Variants in EPHB1 observed in about 807,000 individuals in gnomAD.
EPHB1 encodes the protein ephrin type-B receptor 1.
EPHB1 carries 30 observed loss-of-function variants against 94.4 expected under a neutral mutation model. The observed-to-expected ratio is 0.32, with a 90% CI of 0.24 to 0.43. The LOEUF (loss-of-function observed/expected upper bound fraction) is 0.43. EPHB1 is among the 20% of genes least tolerant of loss of function. The probability of loss-of-function intolerance (pLI) is 1.00; values close to 1 mark genes in which losing one functional copy is unlikely to be tolerated. For synonymous variants in EPHB1, 522 were observed against 489.1 expected, an observed-to-expected ratio of 1.07 and a Z score of -0.89; for missense variants, 1,055 against 1,308.3, an observed-to-expected ratio of 0.81 and a Z score of 2.99.
rs1436502894 is a variant in EPHB1 at position 135,166,819 on chromosome 3, A to C, written c.1695-123A>C. The C allele has an allele frequency of 5.3e-6, 5 of 940,432 alleles. No homozygotes were observed. The Admixed American group carries it at 8.6e-5, about 16-fold the overall frequency. The allele number at this position is 940,432 out of a possible 1,614,324, so 58.3% of individuals were successfully genotyped here. On this transcript the variant is annotated intron_variant, in intron 8 of 15. Coordinates refer to ENST00000398015, the MANE Select transcript of EPHB1 (RefSeq NM_004441.5). ...AGGAGGGCTGAAGTGAGAGTTGCCC[A>C]GTCCCTAATCCTGGGAGATGCCCCG... is the stretch of plus-strand genomic sequence containing the variant.
intron 1 of EPHB1, among the ~76,000 whole-genome samples, chr3:134,862,632 CT>C (rs2037291246): frequency 1.3e-5 from 2 of 152,116 alleles, no homozygotes; most frequent in Non-Finnish European, 1.5e-5. Context: ...GCAGCCAATA[CT>C]GCCCAGGGGT....
chr3:135,178,650 G>A (rs1221151692), intron 9 of EPHB1, among the ~76,000 whole-genome samples: 4 of 152,002 alleles, frequency 2.6e-5, no homozygotes, highest in Non-Finnish European at 5.9e-5. Context: ...GGTCACCAGG[G>A]AACAAGCTGT....
chr3:135,229,757 CA>C (rs1943488858), intron 12 of EPHB1, among the ~76,000 whole-genome samples: 1 of 152,180 alleles, frequency 6.6e-6, no homozygotes, highest in African/African-American at 2.4e-5. Context: ...GCAGCCCCAC[CA>C]GTAGCCACTC....
intron 3 of EPHB1, among the ~76,000 whole-genome samples, chr3:135,069,563 C>G (rs779669098): frequency 6.6e-6 from 1 of 152,124 alleles, no homozygotes; most frequent in Non-Finnish European, 1.5e-5. Flanking sequence ...CTGGGTGAGG[C>G]CTTACCAGGT....
chr3:135,023,282 TA>T (rs1372841722), intron 3 of EPHB1, among the ~76,000 whole-genome samples: 2 of 152,344 alleles, frequency 1.3e-5, no homozygotes, highest in East Asian at 3.9e-4. Context: ...CTTACTGCCT[TA>T]AAATACATCT....
chr3:135,017,429 T>C (rs1174092242), intron 3 of EPHB1, among the ~76,000 whole-genome samples: 1 of 152,078 alleles, frequency 6.6e-6, no homozygotes, highest in Non-Finnish European at 1.5e-5. Flanking sequence ...AGAGAGAGAA[T>C]AAATCATTAT....
At chr3:134,801,927 C>G (rs2035941706) in intron 1 of EPHB1, among the ~76,000 whole-genome samples, 1 of 152,162 alleles carries the variant, frequency 6.6e-6, no homozygotes, top group South Asian at 2.1e-4. Context: ...TCCAGGGAGG[C>G]CTGGAGGGCA....
At chr3:135,163,510 TG>T (rs560665044) in intron 7 of EPHB1, among the ~76,000 whole-genome samples, 100 of 152,320 alleles carry the variant, frequency 6.6e-4, no homozygotes, top group African/African-American at 2.3e-3. Context: ...TAATTCAGGT[TG>T]ATAATGCTAC....
chr3:135,243,677 G>T (rs1032490654), intron 13 of EPHB1, among the ~76,000 whole-genome samples: 4 of 152,070 alleles, frequency 2.6e-5, no homozygotes, highest in Admixed American at 1.3e-4. Flanking sequence ...AGTTGGTGGT[G>T]GTAAAGGATT....
chr3:135,194,906 C>T (rs7651172), intron 11 of EPHB1, among the ~76,000 whole-genome samples: 1,975 of 152,234 alleles, frequency 0.013, 39 homozygotes, highest in African/African-American at 0.046. Context: ...GGGAGTGGCA[C>T]GAGAGCTCTA....
At chr3:135,098,264 G>A (rs1938882012) in intron 3 of EPHB1, among the ~76,000 whole-genome samples, 1 of 152,068 alleles carries the variant, frequency 6.6e-6, no homozygotes, top group African/African-American at 2.4e-5. Flanking sequence ...ACAAAACATT[G>A]ATAAAGTACA....
At chr3:135,226,915 G>C (rs2107722467) in intron 12 of EPHB1, among the ~76,000 whole-genome samples, 1 of 152,054 alleles carries the variant, frequency 6.6e-6, no homozygotes, top group East Asian at 1.9e-4. Flanking sequence ...ATTAATGCAG[G>C]AAAGGAAAAC....
chr3:135,244,884 G>T (rs910296551), intron 13 of EPHB1, among the ~76,000 whole-genome samples: 4 of 152,128 alleles, frequency 2.6e-5, no homozygotes, highest in African/African-American at 9.7e-5. Flanking sequence ...GGGCTGAAGG[G>T]TAAAGGACAC....
chr3:135,179,706 G>A (rs775838743), intron 9 of EPHB1, among the ~76,000 whole-genome samples, 154 bp from the exon 10 acceptor site: 1 of 152,180 alleles, frequency 6.6e-6, no homozygotes, highest in Non-Finnish European at 1.5e-5. Context: ...GAGATGAGGA[G>A]GCCCAGCAAG....
chr3:135,255,854 A>G (rs1231327140), intron 15 of EPHB1, among the ~76,000 whole-genome samples: 1 of 143,016 alleles, frequency 7.0e-6, no homozygotes. Context: ...TGGGAGTCTA[A>G]GTCTCTTTGT....
At chr3:135,118,654 C>A (rs1177898983) in intron 4 of EPHB1, among the ~76,000 whole-genome samples, 4 of 152,112 alleles carry the variant, frequency 2.6e-5, no homozygotes, top group Non-Finnish European at 4.4e-5. Flanking sequence ...ATGGTAGAAT[C>A]CCAGCTAAGA....
chr3:134,935,480 T>A (rs962592662), intron 2 of EPHB1, among the ~76,000 whole-genome samples: 1 of 152,202 alleles, frequency 6.6e-6, no homozygotes, highest in Non-Finnish European at 1.5e-5. Context: ...TGCCCAGGAT[T>A]TGGGATCTGA....
intron 3 of EPHB1, among the ~76,000 whole-genome samples, chr3:135,022,079 A>G (rs370313598): frequency 6.6e-6 from 1 of 152,120 alleles, no homozygotes. Context: ...TCCTGGGTTC[A>G]CGCCATTCTT....
chr3:134,937,994 T>A (rs1295645510), intron 2 of EPHB1, among the ~76,000 whole-genome samples: 1 of 146,170 alleles, frequency 6.8e-6, no homozygotes, highest in East Asian at 2.0e-4. Flanking sequence ...GGGCGATGAG[T>A]TGGGGAAATG....
Sources: allele counts gnomAD v4.1 joint callset (sites outside exome capture counted in the v4.1 genomes callset), GRCh38; gene constraint gnomAD v4.1.1; transcripts MANE v1.5; gene names NCBI Gene and HGNC (gene_info 2026-07-23, HGNC 2026-07-21).